The following ADGRL2 variants were observed in gnomAD, a reference collection of about 807,000 sequenced individuals.
ADGRL2 encodes the protein calcium-independent alpha-latrotoxin receptor 2.
Under a neutral mutation model 157.4 loss-of-function variants are expected in ADGRL2, and 44 were observed. The observed-to-expected ratio is 0.28, with a 90% CI of 0.22 to 0.36. The LOEUF is 0.36. Ranked by LOEUF, ADGRL2 falls within the 10% of genes least tolerant of loss-of-function variation. ADGRL2 has a pLI of 1.00. For synonymous variants in ADGRL2, 585 were observed against 624.7 expected (o/e 0.94, Z 0.95); for missense variants, 1,510 against 1,768.9 (o/e 0.85, Z 2.63).
rs1024043099 is a variant in ADGRL2 at position 81,613,192 on chromosome 1, A to T, written c.-143+32212A>T. 2.0e-5 allele frequency among the ~76,000 whole-genome samples: 3 copies of T among 152,204 alleles called. No individual in the cohort carries two copies. The South Asian group carries it at 6.2e-4, about 31-fold the overall frequency. Reference sequence around the variant, plus strand: ...TTACCTATAGAACTGAGATCATTTTACTTGTCTCCTATGGTTGTTGTGATG... The same window carrying T: ...TTACCTATAGAACTGAGATCATTTTTCTTGTCTCCTATGGTTGTTGTGATG... On this transcript the variant is annotated intron_variant, in intron 3 of 24. Transcript: ENST00000370721.
At chr1:81,842,724 C>T (rs1252936592) in intron 2 of ADGRL2, among the ~76,000 whole-genome samples, 3 of 151,998 alleles carry the variant, frequency 2.0e-5, no homozygotes, top group South Asian at 2.1e-4. Flanking sequence ...TGGAAAAAAA[C>T]GTATTTTTCC....
At chr1:81,832,020 G>T (rs999850315) in intron 1 of ADGRL2, among the ~76,000 whole-genome samples, 1 of 152,068 alleles carries the variant, frequency 6.6e-6, no homozygotes, top group African/African-American at 2.4e-5. Context: ...AAGGATTAGT[G>T]ATATGTATCT....
chr1:81,425,523 G>A (rs1334003921), intron 1 of ADGRL2, among the ~76,000 whole-genome samples: 1 of 152,160 alleles, frequency 6.6e-6, no homozygotes, highest in Non-Finnish European at 1.5e-5. Flanking sequence ...CTGGCTCATG[G>A]CAAGTTTCAT....
At chr1:81,717,690 T>C (rs2084163168) in intron 1 of ADGRL2, among the ~76,000 whole-genome samples, 1 of 152,230 alleles carries the variant, frequency 6.6e-6, no homozygotes, top group Non-Finnish European at 1.5e-5. Flanking sequence ...CTTTACTCCA[T>C]GCCTGGATTC....
chr1:81,483,631 A>G lies in ADGRL2; in HGVS notation c.-248+38542A>G, dbSNP rs114524024. Among the ~76,000 whole-genome samples the G allele has an allele frequency of 2.3e-3, 343 of 152,340 alleles. 1 individual carries two copies. The highest frequency in any genetic ancestry group is 8.0e-3 in the African/African-American group (334 of 41,596). On this transcript the variant is annotated intron_variant, in intron 2 of 24. Transcript: ENST00000370721. ...TACAAACAGAATCAAGAATCCGGGC[A>G]TGGCGAAAGTCTTCACAATTCCAAA...
chr1:81,416,888 G>C (rs964099232), intron 1 of ADGRL2, among the ~76,000 whole-genome samples: 5 of 152,156 alleles, frequency 3.3e-5, no homozygotes, highest in Non-Finnish European at 5.9e-5. Flanking sequence ...TAGTAAAACA[G>C]GTTCTGAAAT....
In ADGRL2 at chr1:81,990,572, C is replaced by G. The variant is rs1405109044; in HGVS notation, c.3837C>G (p.His1279Gln). The G allele has an allele frequency of 6.2e-7, 1 of 1,614,074 alleles. No individual in the cohort carries two copies. The highest frequency in any genetic ancestry group is 1.7e-5 in the Admixed American group (1 of 59,994). ...FEKMIISELV[H>Q]NNLRGSSKTH... is the part of the protein sequence containing the mutation. ...AAATGATCATTTCAGAATTAGTGCACAACAACTTACGGGGCAGCAGCAAGA... is the reference window on the plus strand; with the variant it reads ...AAATGATCATTTCAGAATTAGTGCAGAACAACTTACGGGGCAGCAGCAAGA... The change falls in exon 24 of 24, where the codon CAC (histidine) becomes CAG (glutamine). Residue 1279 changes from histidine (H) to glutamine (Q), a missense_variant. Around this residue, in one of 4 missense-constraint regions of ADGRL2, gnomAD observed 327 missense variants for 310.1 expected, o/e 1.05. Transcript: ENST00000686636.
At chr1:81,899,954 A>T (rs2094458073) in intron 2 of ADGRL2, among the ~76,000 whole-genome samples, 1 of 152,146 alleles carries the variant, frequency 6.6e-6, no homozygotes, top group South Asian at 2.1e-4. Flanking sequence ...CCTGCTGCTG[A>T]TGGCCATCAT....
chr1:81,344,036 G>A (rs1293388932), intron 1 of ADGRL2, among the ~76,000 whole-genome samples: 8 of 152,098 alleles, frequency 5.3e-5, no homozygotes, highest in African/African-American at 1.9e-4. Context: ...GGATTTCGTA[G>A]TAGATTGACA....
chr1:81,596,881 C>T (rs1050094642), intron 3 of ADGRL2, among the ~76,000 whole-genome samples: 1 of 152,126 alleles, frequency 6.6e-6, no homozygotes, highest in African/African-American at 2.4e-5. Context: ...CGGCTATGTA[C>T]AACTGCTGCT....
rs372657312 is a variant in ADGRL2, at chr1:81,951,129, G to A, written c.1608+8G>A. On this transcript the variant is annotated splice_region_variant and intron_variant, in intron 8 of 23. Transcript: ENST00000686636. ...AATCAGCTGGCTCAGAAGGTTGGTT[G>A]GAACCTTTTAATATGACACATTGGT... 3.2e-6 allele frequency: 5 copies of A among 1,582,766 alleles called. No homozygotes were observed. Among genetic ancestry groups the A allele is most frequent in the African/African-American group, 2.7e-5 (2 of 74,188 alleles).
chr1:81,412,415 C>G (rs1271532558), intron 1 of ADGRL2, among the ~76,000 whole-genome samples: 1 of 152,174 alleles, frequency 6.6e-6, no homozygotes, highest in African/African-American at 2.4e-5. Context: ...ATTATCTTTC[C>G]TCTTCACCAT....
At chr1:81,533,141 G>A (rs534764183) in intron 2 of ADGRL2, among the ~76,000 whole-genome samples, 221 of 152,260 alleles carry the variant, frequency 1.5e-3, no homozygotes, top group African/African-American at 5.2e-3. Flanking sequence ...AACTTTGGGA[G>A]GCCGAGGGGG....
At chr1:81,902,323 C>T (rs371934545) in intron 2 of ADGRL2, among the ~76,000 whole-genome samples, 3 of 152,216 alleles carry the variant, frequency 2.0e-5, no homozygotes, top group South Asian at 2.1e-4. Context: ...TCTGGCCAAA[C>T]GTGGTGGCTC....
chr1:81,762,762 G>C, intron 2 of ADGRL2, among the ~76,000 whole-genome samples: 1 of 151,996 alleles, frequency 6.6e-6, no homozygotes, highest in African/African-American at 2.4e-5. Flanking sequence ...TTAGAAAAAA[G>C]ACACAAAAGG....
At chr1:81,676,260 C>T (rs779102087) in intron 3 of ADGRL2, among the ~76,000 whole-genome samples, 2 of 151,766 alleles carry the variant, frequency 1.3e-5, no homozygotes, top group Admixed American at 6.6e-5. Context: ...CTGCCCGCCT[C>T]GGCCTCCCAA....
intron 1 of ADGRL2, among the ~76,000 whole-genome samples, chr1:81,727,470 G>A (rs905174084): frequency 1.3e-4 from 19 of 151,936 alleles, no homozygotes; most frequent in Admixed American, 3.3e-4. Flanking sequence ...GTCTTGCTCC[G>A]TCACCAGGCT....
intron 1 of ADGRL2, among the ~76,000 whole-genome samples, chr1:81,363,691 T>TC (rs1570731070): frequency 6.6e-6 from 1 of 152,112 alleles, no homozygotes; most frequent in East Asian, 1.9e-4. Flanking sequence ...AACAAAACCA[T>TC]CATAAAAGAT....
intron 1 of ADGRL2, among the ~76,000 whole-genome samples, chr1:81,395,859 T>C (rs961430025): frequency 2.0e-5 from 3 of 152,236 alleles, no homozygotes; most frequent in African/African-American, 7.2e-5. Flanking sequence ...CGTAAATATG[T>C]GAATTTATTT....
Sources: gnomAD v4.1 joint callset for allele counts (sites outside exome capture counted in the v4.1 genomes callset) on GRCh38, gnomAD v4.1.1 for gene constraint, gnomAD v4.1.1 regional missense constraint, MANE v1.5 for transcripts, NCBI Gene and HGNC (gene_info 2026-07-23, HGNC 2026-07-21) for gene names.